AXIN1: variants seen among roughly 807,000 people sequenced by gnomAD.
AXIN1 encodes the protein axin-1.
AXIN1 carries 30 observed loss-of-function variants against 76.4 expected under a neutral mutation model. The ratio of observed to expected loss-of-function variants is 0.39; its 90% CI spans 0.29 to 0.53. The LOEUF is 0.53. Ranked by LOEUF, AXIN1 falls within the 20% of genes least tolerant of loss-of-function variation. AXIN1 has a pLI of 0.66. For missense variants in AXIN1, 1,140 were observed against 1,198.8 expected (o/e 0.95, Z 0.72); for synonymous variants, 545 against 501.4 (o/e 1.09, Z -1.16).
In AXIN1 at chr16:324,322, C is replaced by T. The variant is rs1597074901; in HGVS notation, c.879-9639G>A. 9.3e-5 allele frequency among the ~76,000 whole-genome samples: 14 copies of T among 151,044 alleles called. No homozygotes were observed. The South Asian group carries it at 2.9e-3, about 31-fold the overall frequency. On this transcript the variant is annotated intron_variant, in intron 2 of 10. Coordinates refer to ENST00000262320, the MANE Select transcript of AXIN1 (RefSeq NM_003502.4). Reference sequence around the variant, plus strand: ...GGTCTCCTGCCGGATCCTTTCTGAGCCCTCCTGGGAGGAGGCTGGGGGCCG... The same window carrying T: ...GGTCTCCTGCCGGATCCTTTCTGAGTCCTCCTGGGAGGAGGCTGGGGGCCG...
intron 8 of AXIN1, chr16:292,511 G>A (rs1448978103): frequency 6.6e-6 from 1 of 152,218 alleles, no homozygotes; most frequent in African/African-American, 2.4e-5. Context: ...TCCCTGGAGT[G>A]GCACAGCCCC....
intron 7 of AXIN1, among the ~76,000 whole-genome samples, chr16:294,283 A>G (rs1239506552): frequency 1.3e-5 from 2 of 151,556 alleles, no homozygotes; most frequent in Non-Finnish European, 2.9e-5. Flanking sequence ...AACATGGCAA[A>G]ACCATGACTC....
At chr16:336,850 A>G (rs2053815664) in intron 2 of AXIN1, among the ~76,000 whole-genome samples, 1 of 149,344 alleles carries the variant, frequency 6.7e-6, no homozygotes, top group African/African-American at 2.5e-5. Context: ...CATAAATACA[A>G]GAACTTAACC....
chr16:295,013 G>C (rs2052671530), intron 7 of AXIN1, among the ~76,000 whole-genome samples: 1 of 145,880 alleles, frequency 6.9e-6, no homozygotes, highest in African/African-American at 2.5e-5. Flanking sequence ...GCAGTGAGCT[G>C]AGATCAGGCC....
Position 293,662 on chromosome 16 carries a change from T to G in AXIN1, c.2012A>C (p.Glu671Ala). The change falls in exon 8 of 11, where the codon GAG (glutamate) becomes GCG (alanine). Residue 671 changes from glutamate to alanine, a missense_variant. Transcript: ENST00000262320. The surrounding 1 kb of genome is among the most constrained non-coding windows in gnomAD (Gnocchi z 4.6). ...GAGCTGAGGGCCGGCCCAGGGGTGC[T>G]CAAGGGACAAGGGTCTGGAGTTCTC... ...PHENSRPLSL[E>A]HPWAGPQLRT... 6.2e-7 allele frequency: 1 copy of G among 1,613,642 alleles called. No homozygotes were observed. Among genetic ancestry groups the G allele is most frequent in the Non-Finnish European group, 8.5e-7 (1 of 1,180,000 alleles).
rs766651734 is a variant in AXIN1 at position 346,234 on chromosome 16, G to A, written c.792C>T (p.Pro264=). ...GGAGCAGCTTCTGAGGGAGTCTTCCGGGGGGAGCAGCGTCTCTGCCATCGT... is the reference window on the plus strand; with the variant it reads ...GGAGCAGCTTCTGAGGGAGTCTTCCAGGGGGAGCAGCGTCTCTGCCATCGT... ...DEDDGRDAAP[P]GRLPQKLLLE... Residue 264 remains proline, a synonymous_variant, in exon 2 of 11, where the codon CCC becomes CCT. Transcript: ENST00000262320. The A allele has an allele frequency of 7.4e-6, 12 of 1,613,932 alleles. No individual in the cohort carries two copies. Among genetic ancestry groups the A allele is most frequent in the African/African-American group, 6.7e-5 (5 of 74,926 alleles).
In AXIN1 at chr16:293,320, C is replaced by CCA; in HGVS notation, c.2186+166_2186+167dup. ...CCTCCGTCCACCGCAGGGTGGCCTG[C>CCA]CACGTGGCCCCTCAGTGGTTCTCAG... On this transcript the variant is annotated intron_variant, in intron 8 of 10. Coordinates refer to ENST00000262320, the MANE Select transcript of AXIN1 (RefSeq NM_003502.4). This position sits in a 1 kb window ranked among gnomAD's most constrained non-coding sequence, Gnocchi z 4.6. The CCA allele has an allele frequency of 1.4e-6, 1 of 697,488 alleles. No homozygotes were observed. Among genetic ancestry groups the CCA allele is most frequent in the Admixed American group, 2.7e-5 (1 of 36,888 alleles). 43.2% of individuals were successfully genotyped at this position (697,488 alleles called of 1,614,324 possible). A position where few individuals can be genotyped will look rare whatever the true frequency, so the allele number is the denominator to read the frequency against.
intron 3 of AXIN1, among the ~76,000 whole-genome samples, chr16:313,653 C>A (rs2141588699): frequency 6.6e-6 from 1 of 152,334 alleles, no homozygotes; most frequent in East Asian, 1.9e-4. Flanking sequence ...GGCGCACAGA[C>A]CAGAGCTGGG....
intron 4 of AXIN1, among the ~76,000 whole-genome samples, 157 bp from the exon 5 acceptor site, chr16:304,598 G>A (rs1034998055): frequency 2.6e-5 from 4 of 152,198 alleles, no homozygotes; most frequent in Non-Finnish European, 5.9e-5. Context: ...GCAATGGCGT[G>A]ATCTTGGCTC....
intron 2 of AXIN1, among the ~76,000 whole-genome samples, chr16:321,495 C>T (rs1300968345): frequency 6.6e-6 from 1 of 152,264 alleles, no homozygotes; most frequent in Non-Finnish European, 1.5e-5. Flanking sequence ...TTTTGAAAGG[C>T]AAATCGCCTT....
Position 297,235 on chromosome 16 carries a change from G to T in AXIN1, c.1785-9C>A, listed in dbSNP as rs1345782753. ...CCACGCCCACCTTCCCACTGCAAGG[G>T]CAAGAGCTGCGAGTCGCCCTGGCCT... On this transcript the variant is annotated splice_polypyrimidine_tract_variant and intron_variant, in intron 6 of 10. Coordinates refer to ENST00000262320, the MANE Select transcript of AXIN1 (RefSeq NM_003502.4). 3 of 1,604,168 alleles carry T rather than the reference G, an allele frequency of 1.9e-6. No homozygotes were observed. The highest frequency in any genetic ancestry group is 2.5e-6 in the Non-Finnish European group (3 of 1,179,800).
rs536650835 is a variant in AXIN1 at position 340,478 on chromosome 16, G to T, written c.878+5670C>A. On this transcript the variant is annotated intron_variant, in intron 2 of 10. Transcript: ENST00000262320. Reference sequence around the variant, plus strand: ...GGCAGGGGCATGCAAGGCCAGCCCTGAAGGCCACCTGGTGGGCCAAGCCAC... The same window carrying T: ...GGCAGGGGCATGCAAGGCCAGCCCTTAAGGCCACCTGGTGGGCCAAGCCAC... Among the ~76,000 whole-genome samples the T allele has an allele frequency of 2.6e-5, 4 of 152,374 alleles. No homozygotes were observed. In the South Asian group the frequency reaches 8.3e-4, roughly 32 times the overall value.
At chr16:300,368 C>CT (rs35422382) in intron 5 of AXIN1, among the ~76,000 whole-genome samples, 19,939 of 149,088 alleles carry the variant, frequency 0.13, 1,481 homozygotes, top group African/African-American at 0.18. Flanking sequence ...TTTTCTTTTT[C>CT]TTTTTTTTTT....
chr16:305,291 A>C (rs2052988609), intron 4 of AXIN1, among the ~76,000 whole-genome samples: 1 of 152,190 alleles, frequency 6.6e-6, no homozygotes, highest in Non-Finnish European at 1.5e-5. Flanking sequence ...CAACAAAGTG[A>C]GACCTCATCT....
chr16:289,848 C>T (rs879602932), intron 9 of AXIN1: 14 of 591,958 alleles, frequency 2.4e-5, no homozygotes, highest in African/African-American at 1.1e-4. Context: ...CTCACAGCCC[C>T]ACCCTCGACT....
At chr16:349,457 G>A (rs1323944918) in intron 1 of AXIN1, among the ~76,000 whole-genome samples, 1 of 152,214 alleles carries the variant, frequency 6.6e-6, no homozygotes, top group Non-Finnish European at 1.5e-5. Context: ...GACCACCTGA[G>A]CCTTACCACT....
At chr16:299,584 A>G (rs2052813009) in intron 5 of AXIN1, among the ~76,000 whole-genome samples, 1 of 152,000 alleles carries the variant, frequency 6.6e-6, no homozygotes, top group Non-Finnish European at 1.5e-5. Context: ...CAAACTCCTA[A>G]CCTCAGGTAA....
chr16:311,306 A>C (rs2053171145), intron 3 of AXIN1, among the ~76,000 whole-genome samples: 1 of 151,942 alleles, frequency 6.6e-6, no homozygotes, highest in Admixed American at 6.6e-5. Flanking sequence ...CTGGGATTAC[A>C]GGCATGCGCC....
intron 2 of AXIN1, among the ~76,000 whole-genome samples, chr16:334,099 A>G (rs2053750673): frequency 6.6e-6 from 1 of 150,854 alleles, no homozygotes; most frequent in African/African-American, 2.5e-5. Flanking sequence ...CACAGCATCC[A>G]GTACCACGGC....
Sources: gnomAD v4.1 joint callset for allele counts (sites outside exome capture counted in the v4.1 genomes callset) on GRCh38, gnomAD v4.1.1 for gene constraint, Gnocchi (gnomAD v3.1) non-coding constraint, MANE v1.5 for transcripts, NCBI Gene and HGNC (gene_info 2026-07-23, HGNC 2026-07-21) for gene names.